The following HSPG2 variants were observed in gnomAD, a reference collection of about 807,000 sequenced individuals.
HSPG2 encodes the protein heparan sulfate proteoglycan 2.
In HSPG2, 278 loss-of-function variants were observed where a neutral mutation model predicts 526.6. The ratio of observed to expected loss-of-function variants is 0.53; its 90% CI spans 0.48 to 0.58. The LOEUF (loss-of-function observed/expected upper bound fraction) is 0.58, where lower values mean the gene tolerates loss of function less well. Among genes scored for constraint, HSPG2 ranks in the 20% least tolerant of loss-of-function variants. The pLI is 0.00. For missense variants in HSPG2, 5,354 were observed against 6,099.5 expected, an observed-to-expected ratio of 0.88 and a Z score of 4.07; for synonymous variants, 2,465 against 2,555.4, an observed-to-expected ratio of 0.96 and a Z score of 1.07.
At chr1:21,863,726 G>T (rs999974647) in intron 37 of HSPG2, among the ~76,000 whole-genome samples, 1 of 151,572 alleles carries the variant, frequency 6.6e-6, no homozygotes, top group African/African-American at 2.4e-5. Context: ...AAGTAAAAAG[G>T]CCAGGTGTGG....
intron 62 of HSPG2, 34 bp from the exon 63 acceptor site, chr1:21,846,633 C>A (rs758077731): frequency 6.2e-6 from 10 of 1,613,030 alleles, no homozygotes; most frequent in Non-Finnish European, 8.5e-6. Flanking sequence ...TCGGCACAGC[C>A]GTTGTCAGAT....
rs1210594341 is a variant in HSPG2, at chr1:21,828,884, A to G, written c.12188T>C (p.Leu4063Pro). The G allele has an allele frequency of 2.6e-5, 41 of 1,553,710 alleles. No individual in the cohort carries two copies. Among genetic ancestry groups the G allele is most frequent in the Non-Finnish European group, 2.8e-5 (32 of 1,148,496 alleles). The change falls in exon 88 of 97, where the codon CTG (leucine) becomes CCG (proline). Residue 4063 changes from leucine to proline, a missense_variant. Leu to Pro is a moderately conservative substitution (Grantham distance 98). Coordinates refer to ENST00000374695, the MANE Select transcript of HSPG2 (RefSeq NM_005529.7). This position sits in a 1 kb window ranked among gnomAD's most constrained non-coding sequence, Gnocchi z 6.0. ...AGCGCTCATGTTGGTGGCCGGGGAC[A>G]GTGGCACGGAAGGCTCCACACCCCC... is the stretch of plus-strand genomic sequence containing the variant. ...YLGGVEPSVP[L>P]SPATNMSAHF... is the part of the protein sequence containing the mutation.
intron 57 of HSPG2, 48 bp downstream of exon 57, chr1:21,849,993 T>C: frequency 1.9e-6 from 3 of 1,609,926 alleles, no homozygotes; most frequent in Non-Finnish European, 2.5e-6. Context: ...TATGCTCTTG[T>C]ACTGCAGCTA....
chr1:21,854,802 G>A, intron 48 of HSPG2, 37 bp from the exon 49 acceptor site: 1 of 1,612,712 alleles, frequency 6.2e-7, no homozygotes, highest in Non-Finnish European at 8.5e-7. Context: ...CCCCAGGGGA[G>A]CCCTGGCTTG....
At chr1:21,832,869 A>T (rs1032281599) in intron 80 of HSPG2, 7 of 581,022 alleles carry the variant, frequency 1.2e-5, no homozygotes, top group Non-Finnish European at 2.2e-5. Context: ...GGAGGCAGAG[A>T]CTCACCCGAG....
At chr1:21,926,355 A>G (rs1644191410) in intron 1 of HSPG2, among the ~76,000 whole-genome samples, 1 of 152,130 alleles carries the variant, frequency 6.6e-6, no homozygotes, top group South Asian at 2.1e-4. Context: ...AGGTCCCAGG[A>G]CAGGGAAGAG....
chr1:21,856,898 A>G lies in HSPG2; in HGVS notation c.5575+117T>C, dbSNP rs546596111. The G allele has an allele frequency of 7.3e-5, 80 of 1,102,706 alleles. No homozygotes were observed. In the South Asian group the frequency reaches 9.8e-4, roughly 14 times the overall value. The allele number at this position is 1,102,706 out of a possible 1,614,324, so 68.3% of individuals were successfully genotyped here. A position where few individuals can be genotyped will look rare whatever the true frequency, so the allele number is the denominator to read the frequency against. On this transcript the variant is annotated intron_variant, in intron 44 of 96. Coordinates refer to ENST00000374695, the MANE Select transcript of HSPG2 (RefSeq NM_005529.7). ...CTGCTTCTGCAGAGCCTAGACCAGGACCAGGCATGCAGCAGGTGCTCAGAA... is the reference window on the plus strand; with the variant it reads ...CTGCTTCTGCAGAGCCTAGACCAGGGCCAGGCATGCAGCAGGTGCTCAGAA...
In HSPG2 at chr1:21,841,229, C is replaced by T. The variant is rs781198759; in HGVS notation, c.9385G>A (p.Ala3129Thr). The T allele has an allele frequency of 3.1e-6, 5 of 1,613,924 alleles. No individual in the cohort carries two copies. Among genetic ancestry groups the T allele is most frequent in the East Asian group, 2.2e-5 (1 of 44,880 alleles). ...EGPVWVKVGK[A>T]VTLECVSAGE... ...GCACTGACACACTCCAGGGTGACAG[C>T]CTTTCCCACTTTCACCCACACGGGG... The change falls in exon 71 of 97, where the codon GCT becomes ACT. Residue 3129 changes from alanine to threonine, a missense_variant. Coordinates refer to ENST00000374695, the MANE Select transcript of HSPG2 (RefSeq NM_005529.7).
At chr1:21,860,290 A>T (rs1296628521) in intron 39 of HSPG2, 55 bp from the exon 40 acceptor site, 3 of 1,530,740 alleles carry the variant, frequency 2.0e-6, no homozygotes, top group Non-Finnish European at 2.7e-6. Flanking sequence ...CCAGTGCCTC[A>T]TGGTGGACTT....
At chr1:21,840,065 C>A (rs761773134) in intron 71 of HSPG2, 48 bp from the exon 72 acceptor site, 1 of 1,524,418 alleles carries the variant, frequency 6.6e-7, no homozygotes, top group South Asian at 1.1e-5. Flanking sequence ...AGTGGGGACG[C>A]TGATGTCAGC....
At chr1:21,846,952 A>G (rs925217569) in intron 62 of HSPG2, among the ~76,000 whole-genome samples, 4 of 152,024 alleles carry the variant, frequency 2.6e-5, no homozygotes, top group Non-Finnish European at 5.9e-5. Context: ...GTGAGTTGAG[A>G]TCGCGCCACT....
At chr1:21,906,021 A>C (rs767720643) in intron 1 of HSPG2, among the ~76,000 whole-genome samples, 28 of 152,230 alleles carry the variant, frequency 1.8e-4, no homozygotes, top group Non-Finnish European at 3.8e-4. Context: ...AAAAACAATT[A>C]ATTAGTTAAT....
chr1:21,900,199 A>G (rs2152777430), intron 1 of HSPG2, among the ~76,000 whole-genome samples: 1 of 152,270 alleles, frequency 6.6e-6, no homozygotes, highest in South Asian at 2.1e-4. Flanking sequence ...CCTCGGCCAG[A>G]GAGGAAGGAG....
rs774713736 is a variant in HSPG2 at position 21,859,977 on chromosome 1, C to T, written c.5040G>A (p.Glu1680=). 1.2e-6 allele frequency: 2 copies of T among 1,610,758 alleles called. No individual in the cohort carries two copies. Among genetic ancestry groups the T allele is most frequent in the Non-Finnish European group, 1.7e-6 (2 of 1,179,236 alleles). The stretch of plus-strand genomic sequence containing the variant: ...GCACTATGCTTCGAGCAGGATGGAC[C>T]TCGACCACCAGTGGGGCTTGGTTTG... ...PETNQAPLVV[E]VHPARSIVPQ... The change falls in exon 41 of 97, where the codon GAG becomes GAA. Residue 1680 remains glutamate (E), a synonymous_variant. Coordinates refer to ENST00000374695, the MANE Select transcript of HSPG2 (RefSeq NM_005529.7). The surrounding 1 kb of genome is among the most constrained non-coding windows in gnomAD (Gnocchi z 5.3).
intron 37 of HSPG2, 55 bp from the exon 38 acceptor site, chr1:21,862,170 C>A: frequency 6.3e-7 from 1 of 1,599,540 alleles, no homozygotes; most frequent in Non-Finnish European, 8.5e-7. Context: ...TACCAGAAGC[C>A]TTTCAGGGTT....
At chr1:21,863,018 C>G (rs1362129560) in intron 37 of HSPG2, among the ~76,000 whole-genome samples, 1 of 133,210 alleles carries the variant, frequency 7.5e-6, no homozygotes, top group African/African-American at 2.9e-5. Context: ...CGAGATTGTG[C>G]CATTGCACTC....
In HSPG2 at chr1:21,848,901, C is replaced by T; in HGVS notation, c.7577G>A (p.Gly2526Asp). The T allele has an allele frequency of 6.2e-7, 1 of 1,613,860 alleles. No individual in the cohort carries two copies. Among genetic ancestry groups the T allele is most frequent in the Non-Finnish European group, 8.5e-7 (1 of 1,179,988 alleles). The stretch of plus-strand genomic sequence containing the variant: ...ACCCCCGAGACACTCACAGTGGGAG[C>T]CACTAAGGCGCTGCTGGATGGTGAC... ...VLVTIQQRLS[G>D]SHSQGVAYPV... Residue 2526 changes from glycine (G) to aspartate (D), a missense_variant, in exon 58 of 97, where the codon GGC becomes GAC. Physicochemically the swap from Gly to Asp is moderately conservative, Grantham distance 94. Coordinates refer to ENST00000374695, the MANE Select transcript of HSPG2 (RefSeq NM_005529.7). The surrounding 1 kb of genome is among the most constrained non-coding windows in gnomAD (Gnocchi z 4.9).
chr1:21,844,177 G>A lies in HSPG2; in HGVS notation c.8587C>T (p.Arg2863Cys), dbSNP rs748522136. The A allele has an allele frequency of 2.2e-5, 36 of 1,613,494 alleles. No homozygotes were observed. The highest frequency in any genetic ancestry group is 3.3e-5 in the South Asian group (3 of 91,074). The change falls in exon 65 of 97, where the codon CGT (arginine) becomes TGT (cysteine). Residue 2863 changes from arginine (R) to cysteine (C), a missense_variant. By Grantham distance (180) the Arg-to-Cys change is radical. Coordinates refer to ENST00000374695, the MANE Select transcript of HSPG2 (RefSeq NM_005529.7). ...QAHAQVTWHK[R>C]GGNLPARHQV... The stretch of plus-strand genomic sequence containing the variant: ...TGCCGGGCAGGGAGGTTTCCTCCAC[G>A]CTTGTGCCACGTGACCTGGGCGTGG...
intron 1 of HSPG2, among the ~76,000 whole-genome samples, chr1:21,929,038 G>A (rs2152803756): frequency 6.6e-6 from 1 of 152,290 alleles, no homozygotes; most frequent in East Asian, 1.9e-4. Context: ...GGGATTACAG[G>A]TTGTGAGCCA....
Sources: gnomAD v4.1 joint callset for allele counts (sites outside exome capture counted in the v4.1 genomes callset) on GRCh38, gnomAD v4.1.1 for gene constraint, Gnocchi (gnomAD v3.1) non-coding constraint, MANE v1.5 for transcripts, NCBI Gene and HGNC (gene_info 2026-07-23, HGNC 2026-07-21) for gene names.